FABP5: variants seen among roughly 807,000 people sequenced by gnomAD.
FABP5 encodes fatty acid-binding protein 5.
A neutral mutation model predicts 16.9 loss-of-function variants in FABP5; 7 were observed. The ratio of observed to expected loss-of-function variants is 0.41; its 90% CI spans 0.24 to 0.78. The LOEUF (loss-of-function observed/expected upper bound fraction) is 0.78, where lower values mean the gene tolerates loss of function less well. Ranked by LOEUF, FABP5 falls within the 30% of genes least tolerant of loss-of-function variation. FABP5 has a pLI of 0.30. For missense variants in FABP5, 119 were observed against 159.5 expected (o/e 0.75, Z 1.37); for synonymous variants, 37 against 52.8 (o/e 0.70, Z 1.30).
intron 1 of FABP5, among the ~76,000 whole-genome samples, chr8:81,282,122 A>T (rs1417873485): frequency 6.6e-6 from 1 of 151,976 alleles, no homozygotes; most frequent in African/African-American, 2.4e-5. Context: ...CTACATCAAG[A>T]TGACTCTGGA....
intron 1 of FABP5, 93 bp downstream of exon 1, chr8:81,280,767 G>A: frequency 1.6e-6 from 2 of 1,223,982 alleles, no homozygotes; most frequent in East Asian, 2.7e-5. Flanking sequence ...TCTGGGGCAG[G>A]AGATGCTCGG....
intron 1 of FABP5, 76 bp downstream of exon 1, chr8:81,280,750 G>C: frequency 7.3e-7 from 1 of 1,369,618 alleles, no homozygotes; most frequent in Non-Finnish European, 1.0e-6. Flanking sequence ...CCGTCAGCGT[G>C]CCAGATTCTG....
chr8:81,281,125 A>C lies in FABP5; in HGVS notation c.79+451A>C. 6.3e-6 allele frequency: 1 copy of C among 159,444 alleles called. No homozygotes were observed. Among genetic ancestry groups the C allele is most frequent in the Non-Finnish European group, 1.3e-5 (1 of 74,376 alleles). The allele number at this position is 159,444 out of a possible 1,614,324, so 9.9% of individuals were successfully genotyped here. A position where few individuals can be genotyped will look rare whatever the true frequency, so the allele number is the denominator to read the frequency against. ...CCATTCTGTCTCTCCCATTTACCCCATCGTGGCAGCACCCACTCCCCTTTC... is the reference window on the plus strand; with the variant it reads ...CCATTCTGTCTCTCCCATTTACCCCCTCGTGGCAGCACCCACTCCCCTTTC... On this transcript the variant is annotated intron_variant, in intron 1 of 3. Transcript: ENST00000297258. The surrounding 1 kb of genome is among the most constrained non-coding windows in gnomAD (Gnocchi z 4.5).
At chr8:81,280,814 G>A (rs891955565) in intron 1 of FABP5, 140 bp downstream of exon 1, 5 of 764,242 alleles carry the variant, frequency 6.5e-6, no homozygotes, top group South Asian at 5.2e-5. Context: ...TCCCCACCAC[G>A]CGGCCGTTGG....
At position 81,284,549 on chromosome 8, in the gene FABP5, CTA is replaced by C. The variant is rs1178657121; in HGVS notation, c.392_393del (p.Tyr131Ter). ...TGAACAATGTCACCTGTACTCGGAT[CTA>C]TGAAAAAGTAGAATAAAAATTCCAT... ...VMNNVTCTRI[Y>X]EKVE is the part of the protein sequence containing the mutation. On this transcript the variant is annotated frameshift_variant, in exon 4 of 4. Coordinates refer to ENST00000297258, the MANE Select transcript of FABP5 (RefSeq NM_001444.3). LOFTEE classifies it high-confidence loss of function. The C allele has an allele frequency of 6.3e-7, 1 of 1,598,508 alleles. No homozygotes were observed. The highest frequency in any genetic ancestry group is 8.6e-7 in the Non-Finnish European group (1 of 1,169,066).
chr8:81,283,686 A>G (rs1807869435), intron 2 of FABP5, 148 bp downstream of exon 2: 1 of 1,047,292 alleles, frequency 9.5e-7, no homozygotes, highest in Non-Finnish European at 1.4e-6. Context: ...CAACTTCATC[A>G]TAGAATTGGC....
At chr8:81,280,723 C>G (rs1483425198) in intron 1 of FABP5, 49 bp downstream of exon 1, 3 of 1,508,716 alleles carry the variant, frequency 2.0e-6, no homozygotes, top group Admixed American at 2.0e-5. Context: ...GTTGTGCGGT[C>G]GTCTGTCCCT....
chr8:81,280,909 C>A, intron 1 of FABP5: 1 of 518,260 alleles, frequency 1.9e-6, no homozygotes. Flanking sequence ...CCGCAAGATT[C>A]CGGAGGTGGT....
chr8:81,283,894 G>A lies in FABP5; in HGVS notation c.274G>A (p.Gly92Ser). Residue 92 changes from glycine to serine, a missense_variant, in exon 3 of 4, where the codon GGT becomes AGT. Gly to Ser is a moderately conservative substitution (Grantham distance 56). Transcript: ENST00000297258. Reference sequence around the variant, plus strand: ...GCAGACTGTCTGCAACTTTACAGATGGTGCATTGGTTCAGCATCAGGAGTG... The same window carrying A: ...GCAGACTGTCTGCAACTTTACAGATAGTGCATTGGTTCAGCATCAGGAGTG... Reference protein sequence around the residue: ...KTQTVCNFTDGALVQHQEWDG... With the variant: ...KTQTVCNFTDSALVQHQEWDG... The A allele has an allele frequency of 1.2e-6, 2 of 1,612,316 alleles. No individual in the cohort carries two copies. The highest frequency in any genetic ancestry group is 1.7e-6 in the Non-Finnish European group (2 of 1,179,092).
At position 81,281,611 on chromosome 8, in the gene FABP5, G is replaced by A; in HGVS notation, c.79+937G>A. 2.0e-6 allele frequency: 2 copies of A among 985,452 alleles called. No homozygotes were observed. The highest frequency in any genetic ancestry group is 2.4e-6 in the Non-Finnish European group (2 of 829,934). 61.0% of individuals were successfully genotyped at this position (985,452 alleles called of 1,614,324 possible). A position where few individuals can be genotyped will look rare whatever the true frequency, so the allele number is the denominator to read the frequency against. ...CTGCGGCTAACTGCATGCAAGATGG[G>A]TGTGGCCCTGCAGAAGGCAGATGAC... On this transcript the variant is annotated intron_variant, in intron 1 of 3. Transcript: ENST00000297258. This position sits in a 1 kb window ranked among gnomAD's most constrained non-coding sequence, Gnocchi z 4.5.
At position 81,283,876 on chromosome 8, in the gene FABP5, GTC is replaced by G. The variant is rs1436582227; in HGVS notation, c.258_259del (p.Cys87GlnfsTer45). ...AACGTTTACTTTGTTTTTGCAGACTGTCTGCAACTTTACAGATGGTGCATTGG... is the reference window on the plus strand; with the variant it reads ...AACGTTTACTTTGTTTTTGCAGACTGTGCAACTTTACAGATGGTGCATTGG... ...TTADGRKTQTVCNFTDGALVQ... is the reference protein window; with the variant it reads ...TTADGRKTQTXCNFTDGALVQ... On this transcript the variant is annotated frameshift_variant, in exon 3 of 4. Coordinates refer to ENST00000297258, the MANE Select transcript of FABP5 (RefSeq NM_001444.3). LOFTEE classifies it high-confidence loss of function. 1 of 1,610,564 alleles carries G rather than the reference GTC, an allele frequency of 6.2e-7. No homozygotes were observed. The highest frequency in any genetic ancestry group is 1.3e-5 in the African/African-American group (1 of 74,770).
rs138355915 is a variant in FABP5 at position 81,283,418 on chromosome 8, C to T, written c.132C>T (p.Ile44=). 8.1e-5 allele frequency: 130 copies of T among 1,611,370 alleles called. No homozygotes were observed. In the African/African-American group the frequency reaches 1.3e-3, roughly 16 times the overall value. Residue 44 remains isoleucine (I), a synonymous_variant, in exon 2 of 4, where the codon ATC becomes ATT. Coordinates refer to ENST00000297258, the MANE Select transcript of FABP5 (RefSeq NM_001444.3). ...GCGCAATGGCCAAGCCAGATTGTAT[C>T]ATCACTTGTGATGGTAAAAACCTCA... ...KMGAMAKPDC[I]ITCDGKNLTI...
At position 81,280,927 on chromosome 8, in the gene FABP5, G is replaced by C. The variant is rs995417984; in HGVS notation, c.79+253G>C. 57 of 492,016 alleles carry C rather than the reference G, an allele frequency of 1.2e-4. No individual in the cohort carries two copies. In the Middle Eastern group the frequency reaches 3.3e-3, roughly 28 times the overall value. The allele number at this position is 492,016 out of a possible 1,614,324, so 30.5% of individuals were successfully genotyped here. On this transcript the variant is annotated intron_variant, in intron 1 of 3. Transcript: ENST00000297258. ...CAAGATTCCGGAGGTGGTCCACCCC[G>C]TGGTCCACCTACCTCTGCTTCTTTC...
intron 1 of FABP5, among the ~76,000 whole-genome samples, chr8:81,282,479 A>G (rs932694868): frequency 2.0e-5 from 3 of 152,172 alleles, no homozygotes; most frequent in Non-Finnish European, 4.4e-5. Context: ...CATCAAGACA[A>G]TCATGCTGCG....
intron 1 of FABP5, chr8:81,283,122 C>T (rs1054840825): frequency 4.0e-5 from 14 of 347,992 alleles, no homozygotes; most frequent in South Asian, 1.2e-4. Flanking sequence ...TTCCGTGCCT[C>T]GCTTTCTCAT....
chr8:81,282,538 A>G (rs1179800549), intron 1 of FABP5, among the ~76,000 whole-genome samples: 1 of 152,216 alleles, frequency 6.6e-6, no homozygotes, highest in Non-Finnish European at 1.5e-5. Context: ...CCTGGATCTA[A>G]GATTCCTTAT....
At chr8:81,282,928 A>G (rs1807854532) in intron 1 of FABP5, 1 of 153,426 alleles carries the variant, frequency 6.5e-6, no homozygotes, top group African/African-American at 2.4e-5. Context: ...GCAATTTTGA[A>G]TGCTTTATCT....
intron 1 of FABP5, chr8:81,280,975 T>G (rs759738730): frequency 3.3e-5 from 12 of 362,246 alleles, no homozygotes; most frequent in African/African-American, 8.6e-5. Flanking sequence ...CGGCAGCCCT[T>G]CCGCATTGCT....
chr8:81,283,251 T>G, intron 1 of FABP5, 115 bp from the exon 2 acceptor site: 1 of 862,924 alleles, frequency 1.2e-6, no homozygotes, highest in Admixed American at 3.1e-5. Flanking sequence ...TAGTTATCAA[T>G]AAGCAAATAA....
Sources: allele counts gnomAD v4.1 joint callset (sites outside exome capture counted in the v4.1 genomes callset), GRCh38; gene constraint gnomAD v4.1.1; non-coding constraint Gnocchi (gnomAD v3.1); transcripts MANE v1.5; gene names NCBI Gene and HGNC (gene_info 2026-07-23, HGNC 2026-07-21).